The following ENOX1 variants were observed in gnomAD, a reference collection of about 807,000 sequenced individuals.
ENOX1 encodes ecto-NOX disulfide-thiol exchanger 1.
A neutral mutation model predicts 82.5 loss-of-function variants in ENOX1; 42 were observed. The observed-to-expected ratio is 0.51, with a 90% CI of 0.40 to 0.66. The LOEUF is 0.66. Ranked by LOEUF, ENOX1 falls within the 30% of genes least tolerant of loss-of-function variation. The pLI, the probability that ENOX1 is intolerant of heterozygous loss-of-function variation, is 0.00. For synonymous variants in ENOX1, 271 were observed against 282.2 expected (o/e 0.96, Z 0.40); for missense variants, 608 against 811.6 (o/e 0.75, Z 3.05).
intron 2 of ENOX1, among the ~76,000 whole-genome samples, chr13:43,616,907 C>T (rs559166870): frequency 1.7e-4 from 23 of 138,974 alleles, no homozygotes; most frequent in Middle Eastern, 3.5e-3. Flanking sequence ...TTAAAGAATG[C>T]AAAAGGTAAA....
chr13:43,252,210 C>T (rs1046669550), intron 14 of ENOX1, among the ~76,000 whole-genome samples: 17 of 152,266 alleles, frequency 1.1e-4, no homozygotes, highest in East Asian at 3.9e-4. Flanking sequence ...ACAATAGAAA[C>T]GACGTGTTAC....
At chr13:43,300,943 G>A (rs982227907) in intron 11 of ENOX1, among the ~76,000 whole-genome samples, 8 of 152,150 alleles carry the variant, frequency 5.3e-5, no homozygotes, top group Non-Finnish European at 1.5e-5. Context: ...TTAACATTGT[G>A]CAGCCCAGCT....
chr13:43,386,545 T>C (rs1382401522), intron 5 of ENOX1, among the ~76,000 whole-genome samples: 1 of 152,190 alleles, frequency 6.6e-6, no homozygotes, highest in African/African-American at 2.4e-5. Flanking sequence ...CCCCATTCAG[T>C]GTATCTGTAA....
intron 5 of ENOX1, among the ~76,000 whole-genome samples, chr13:43,401,263 T>C (rs761096970): frequency 2.6e-5 from 4 of 152,040 alleles, no homozygotes; most frequent in Non-Finnish European, 4.4e-5. Context: ...CACCAGAAAG[T>C]AACAAGGATA....
At chr13:43,449,979 A>G (rs2056869451) in intron 3 of ENOX1, among the ~76,000 whole-genome samples, 1 of 152,202 alleles carries the variant, frequency 6.6e-6, no homozygotes, top group South Asian at 2.1e-4. Flanking sequence ...GCTGTAAATA[A>G]GTTTGTGTGT....
Position 43,476,376 on chromosome 13 carries a change from T to TA in ENOX1, c.-75+7632dup, listed in dbSNP as rs1024807454. Among the ~76,000 whole-genome samples, 189 of 151,802 alleles carry TA rather than the reference T, an allele frequency of 1.2e-3. 2 individuals carry two copies. The highest frequency in any genetic ancestry group is 1.4e-3 in the Non-Finnish European group (98 of 67,884). On this transcript the variant is annotated intron_variant, in intron 3 of 16. Transcript: ENST00000690772. ...GAACCTTTAACAACATACTAAACTT[T>TA]AAAAAAAAGTGCATATTTTTCTAAT...
rs3044251 is a variant in ENOX1, at chr13:43,759,097, C to CTTTT, written c.-285+27551_-285+27554dup. The stretch of plus-strand genomic sequence containing the variant: ...CCTGGCCCCTGGAACTGATAAGTTT[C>CTTTT]TTTTTTTTTTTTTTTTTTTGAGACT... On this transcript the variant is annotated intron_variant, in intron 1 of 16. Transcript: ENST00000690772. Among the ~76,000 whole-genome samples the CTTTT allele has an allele frequency of 6.0e-4, 74 of 122,420 alleles. 1 individual carries two copies. The highest frequency in any genetic ancestry group is 2.1e-3 in the African/African-American group (66 of 32,122). 80.3% of individuals were successfully genotyped at this position (122,420 alleles called of 152,430 possible).
chr13:43,733,954 G>T (rs546812963), intron 1 of ENOX1, among the ~76,000 whole-genome samples: 59 of 152,114 alleles, frequency 3.9e-4, no homozygotes, highest in African/African-American at 1.4e-3. Context: ...GTGAGACCCT[G>T]CTCCTGCCCC....
At chr13:43,599,505 C>T (rs1306143931) in intron 2 of ENOX1, among the ~76,000 whole-genome samples, 1 of 152,004 alleles carries the variant, frequency 6.6e-6, no homozygotes, top group Non-Finnish European at 1.5e-5. Context: ...AAAAATCATT[C>T]ACCCCAGTGG....
chr13:43,618,384 G>A (rs2082575183), intron 2 of ENOX1, among the ~76,000 whole-genome samples: 1 of 152,108 alleles, frequency 6.6e-6, no homozygotes, highest in African/African-American at 2.4e-5. Context: ...CAGGTATCAG[G>A]TTTAAGTCCT....
intron 3 of ENOX1, among the ~76,000 whole-genome samples, chr13:43,428,002 G>C (rs2153611892): frequency 6.6e-6 from 1 of 152,274 alleles, no homozygotes; most frequent in Non-Finnish European, 1.5e-5. Context: ...AATGCACCAG[G>C]AGATAGCCTG....
chr13:43,322,008 G>A (rs2047837467), intron 11 of ENOX1, among the ~76,000 whole-genome samples: 1 of 152,320 alleles, frequency 6.6e-6, no homozygotes, highest in Non-Finnish European at 1.5e-5. Flanking sequence ...TGGCTCAGAA[G>A]CTAGAAAGCT....
At chr13:43,272,438 C>T (rs1311843165) in intron 12 of ENOX1, among the ~76,000 whole-genome samples, 1 of 152,190 alleles carries the variant, frequency 6.6e-6, no homozygotes, top group Non-Finnish European at 1.5e-5. Context: ...ACCTGCCTGT[C>T]AGTGGTGTGT....
At chr13:43,726,515 C>A (rs915563601) in intron 1 of ENOX1, among the ~76,000 whole-genome samples, 7 of 152,016 alleles carry the variant, frequency 4.6e-5, no homozygotes, top group Non-Finnish European at 1.0e-4. Flanking sequence ...CCACGCCCAG[C>A]CTCATGTTTC....
intron 5 of ENOX1, among the ~76,000 whole-genome samples, chr13:43,381,723 A>G (rs1313221972): frequency 6.6e-6 from 1 of 151,962 alleles, no homozygotes. Context: ...CATAAATATC[A>G]AGGCATATTA....
chr13:43,422,564 T>C (rs1266950009), intron 3 of ENOX1, among the ~76,000 whole-genome samples: 1 of 152,198 alleles, frequency 6.6e-6, no homozygotes, highest in Non-Finnish European at 1.5e-5. Context: ...AGAGAGGACA[T>C]GGTTTCTAAA....
At position 43,676,514 on chromosome 13, in the gene ENOX1, C is replaced by A. The variant is rs541449341; in HGVS notation, c.-284-8970G>T. ...AGAGAAACAGTGAAGGGGTGTCCGC[C>A]TCTATGTTTGTCCCTGTGAGTCATA... On this transcript the variant is annotated intron_variant, in intron 1 of 16. Coordinates refer to ENST00000690772, the MANE Select transcript of ENOX1 (RefSeq NM_001347969.2). 5.9e-5 allele frequency among the ~76,000 whole-genome samples: 9 copies of A among 152,274 alleles called. No homozygotes were observed. In the South Asian group the frequency reaches 1.9e-3, roughly 32 times the overall value.
chr13:43,299,440 C>G (rs888900192), intron 11 of ENOX1, among the ~76,000 whole-genome samples: 2 of 152,160 alleles, frequency 1.3e-5, no homozygotes, highest in Non-Finnish European at 2.9e-5. Context: ...TATGAACTCA[C>G]TCACTTCATA....
chr13:43,224,181 T>G, intron 15 of ENOX1, 43 bp from the exon 16 acceptor site: 2 of 1,476,122 alleles, frequency 1.4e-6, no homozygotes, highest in African/African-American at 2.8e-5. Context: ...CAAAGGCATA[T>G]GAGAGTCTCT....
Sources: allele counts gnomAD v4.1 joint callset (sites outside exome capture counted in the v4.1 genomes callset), GRCh38; gene constraint gnomAD v4.1.1; transcripts MANE v1.5; gene names NCBI Gene and HGNC (gene_info 2026-07-23, HGNC 2026-07-21).